PTPRD: variants seen among roughly 807,000 people sequenced by gnomAD.
The protein encoded by PTPRD is receptor-type tyrosine-protein phosphatase delta.
In PTPRD, 34 loss-of-function variants were observed where a neutral mutation model predicts 214.5. That is an observed-to-expected ratio of 0.16 (90% CI 0.12 to 0.21). The LOEUF is 0.21. Ranked by LOEUF, PTPRD falls within the 10% of genes least tolerant of loss-of-function variation. PTPRD has a pLI of 1.00. For synonymous variants in PTPRD, 1,128 were observed against 845.7 expected, an observed-to-expected ratio of 1.33 and a Z score of -5.79; for missense variants, 2,545 against 2,398.7, an observed-to-expected ratio of 1.06 and a Z score of -1.27.
intron 10 of PTPRD, among the ~76,000 whole-genome samples, chr9:9,036,224 A>T (rs74478720): frequency 6.6e-6 from 1 of 151,510 alleles, no homozygotes; most frequent in African/African-American, 2.4e-5. Flanking sequence ...AAAAAAAAAA[A>T]CTTGGCAGGT....
chr9:8,708,479 G>GC (rs1269334994), intron 12 of PTPRD, among the ~76,000 whole-genome samples: 1 of 151,742 alleles, frequency 6.6e-6, no homozygotes, highest in African/African-American at 2.4e-5. Flanking sequence ...TTCGAGACCA[G>GC]CCTGACCAAC....
At chr9:8,672,795 G>A (rs2097312004) in intron 12 of PTPRD, among the ~76,000 whole-genome samples, 1 of 118,900 alleles carries the variant, frequency 8.4e-6, no homozygotes, top group South Asian at 2.8e-4. Flanking sequence ...AGTTAGCAAG[G>A]AACATGTAAC....
At chr9:8,887,579 A>C (rs1265067895) in intron 11 of PTPRD, among the ~76,000 whole-genome samples, 1 of 152,182 alleles carries the variant, frequency 6.6e-6, no homozygotes, top group Non-Finnish European at 1.5e-5. Flanking sequence ...GTTGCCCTAT[A>C]AATCACATCT....
chr9:9,262,090 C>G (rs2099980367), intron 9 of PTPRD, among the ~76,000 whole-genome samples: 1 of 151,596 alleles, frequency 6.6e-6, no homozygotes, highest in Non-Finnish European at 1.5e-5. Context: ...AAGATATATA[C>G]TGGGGTGTCC....
chr9:10,236,316 T>C (rs1005715465), intron 3 of PTPRD, among the ~76,000 whole-genome samples: 1 of 151,862 alleles, frequency 6.6e-6, no homozygotes, highest in African/African-American at 2.4e-5. Flanking sequence ...TGTTAAGTCA[T>C]TTAGACCAGG....
At chr9:10,296,619 C>T (rs1010532404) in intron 3 of PTPRD, among the ~76,000 whole-genome samples, 3 of 152,038 alleles carry the variant, frequency 2.0e-5, no homozygotes, top group Non-Finnish European at 2.9e-5. Context: ...TTGCCTCAGT[C>T]ATTGGCTGTC....
chr9:9,515,304 G>A (rs1569568942), intron 8 of PTPRD, among the ~76,000 whole-genome samples: 4 of 151,998 alleles, frequency 2.6e-5, no homozygotes, highest in African/African-American at 9.7e-5. Flanking sequence ...TTTGTTTGGA[G>A]TCTCCAAGTT....
chr9:8,851,140 G>C (rs749832872), intron 11 of PTPRD, among the ~76,000 whole-genome samples: 7 of 151,692 alleles, frequency 4.6e-5, no homozygotes, highest in Admixed American at 3.9e-4. Flanking sequence ...TGATACTTCA[G>C]GGAAGGACAG....
At chr9:9,332,866 C>A (rs566736707) in intron 9 of PTPRD, among the ~76,000 whole-genome samples, 9 of 152,042 alleles carry the variant, frequency 5.9e-5, no homozygotes, top group African/African-American at 1.7e-4. Flanking sequence ...CAAGTGGATA[C>A]ATGTGCTATA....
In PTPRD at chr9:9,479,227, C is replaced by CA. The variant is rs2095283898; in HGVS notation, c.-236-81746_-236-81745insT. ...CATACACACACACGCCCCCCCCCCCCCCACACACACACCCACCTCTAGCAT... is the reference window on the plus strand; with the variant it reads ...CATACACACACACGCCCCCCCCCCCCACCACACACACACCCACCTCTAGCAT... On this transcript the variant is annotated intron_variant, in intron 8 of 45. Transcript: ENST00000381196. Among the ~76,000 whole-genome samples the CA allele has an allele frequency of 1.7e-3, 170 of 98,300 alleles. 1 individual carries two copies. Among genetic ancestry groups the CA allele is most frequent in the Non-Finnish European group, 2.4e-3 (103 of 42,272 alleles). The allele number at this position is 98,300 out of a possible 152,430, so 64.5% of individuals were successfully genotyped here. A position where few individuals can be genotyped will look rare whatever the true frequency, so the allele number is the denominator to read the frequency against.
intron 10 of PTPRD, among the ~76,000 whole-genome samples, chr9:9,075,217 A>G (rs1227444432): frequency 2.0e-5 from 3 of 152,086 alleles, no homozygotes; most frequent in Non-Finnish European, 4.4e-5. Context: ...ATTTTGATCC[A>G]GGCATATGAT....
At chr9:10,513,529 A>G (rs922338822) in intron 2 of PTPRD, among the ~76,000 whole-genome samples, 3 of 152,200 alleles carry the variant, frequency 2.0e-5, no homozygotes, top group Non-Finnish European at 4.4e-5. Flanking sequence ...GAACAGGTAG[A>G]TAAGTTAGTC....
intron 8 of PTPRD, among the ~76,000 whole-genome samples, chr9:9,533,754 G>C (rs148074124): frequency 1.7e-3 from 255 of 152,044 alleles, no homozygotes; most frequent in African/African-American, 5.9e-3. Context: ...GAAGACCATT[G>C]AGCAAAGGAT....
intron 11 of PTPRD, among the ~76,000 whole-genome samples, chr9:8,978,967 A>G (rs560992627): frequency 6.6e-6 from 1 of 152,188 alleles, no homozygotes; most frequent in Admixed American, 6.5e-5. Context: ...TGAGGCTGCC[A>G]TCTTTATTCT....
chr9:8,326,208 G>C (rs116517802), intron 44 of PTPRD, among the ~76,000 whole-genome samples: 1,884 of 152,212 alleles, frequency 0.012, 28 homozygotes, highest in African/African-American at 0.044. Flanking sequence ...CTGTGCGTTT[G>C]TCATAAATAG....
intron 11 of PTPRD, among the ~76,000 whole-genome samples, chr9:8,879,159 T>C (rs2098420835): frequency 1.3e-5 from 2 of 152,204 alleles, no homozygotes; most frequent in African/African-American, 4.8e-5. Flanking sequence ...TAGGCGTATG[T>C]TGTCTTTTCT....
intron 12 of PTPRD, among the ~76,000 whole-genome samples, chr9:8,717,012 CA>C (rs2098443956): frequency 1.3e-5 from 2 of 152,028 alleles, no homozygotes; most frequent in South Asian, 4.1e-4. Flanking sequence ...CAAAATAATA[CA>C]AAAAATTAAC....
At chr9:9,053,104 A>G (rs2154395899) in intron 10 of PTPRD, among the ~76,000 whole-genome samples, 1 of 152,302 alleles carries the variant, frequency 6.6e-6, no homozygotes, top group South Asian at 2.1e-4. Context: ...GTATAACCTA[A>G]GCATATTCAT....
At chr9:8,322,229 C>A (rs999229645) in intron 44 of PTPRD, among the ~76,000 whole-genome samples, 1 of 151,910 alleles carries the variant, frequency 6.6e-6, no homozygotes, top group Non-Finnish European at 1.5e-5. Flanking sequence ...CCTACAATGG[C>A]CTCTAAGTGT....
Sources: allele counts gnomAD v4.1 joint callset (sites outside exome capture counted in the v4.1 genomes callset), GRCh38; gene constraint gnomAD v4.1.1; transcripts MANE v1.5; gene names NCBI Gene and HGNC (gene_info 2026-07-23, HGNC 2026-07-21).